Variants in COL21A1 observed in about 807,000 individuals in gnomAD.
COL21A1 encodes the protein collagen type XXI alpha 1 chain, also known as collagen alpha-1(XXI) chain.
In COL21A1, 149 loss-of-function variants were observed where a neutral mutation model predicts 137.9. That is an observed-to-expected ratio of 1.08 (90% confidence interval 0.95 to 1.24). COL21A1 has a LOEUF of 1.24. COL21A1 is among the 50% of genes most tolerant of loss of function. The pLI is 0.00. For missense variants in COL21A1, 1,167 were observed against 1,158.4 expected, an observed-to-expected ratio of 1.01 and a Z score of -0.11; for synonymous variants, 456 against 391.5, an observed-to-expected ratio of 1.16 and a Z score of -1.95.
At chr6:56,098,706 T>G (rs1386535538) in intron 17 of COL21A1, among the ~76,000 whole-genome samples, 41 of 85,162 alleles carry the variant, frequency 4.8e-4, no homozygotes, top group African/African-American at 1.7e-3. Context: ...AATATATATA[T>G]AAATATATAT....
chr6:56,276,730 C>T (rs1211662426), intron 1 of COL21A1: 3 of 1,362,934 alleles, frequency 2.2e-6, no homozygotes, highest in Non-Finnish European at 2.1e-6. Flanking sequence ...TCCTTATAAA[C>T]AGAACTGCCA....
Position 56,057,029 on chromosome 6 carries a change from C to A in COL21A1, c.*628G>T, listed in dbSNP as rs528225648. ...ATTCCCAAAGTAATTAATACTCTTTCTTAGCACCACCATTAATCTAATTTT... is the reference window on the plus strand; with the variant it reads ...ATTCCCAAAGTAATTAATACTCTTTATTAGCACCACCATTAATCTAATTTT... On this transcript the variant is annotated 3_prime_UTR_variant, in exon 30 of 30. Transcript: ENST00000244728. The A allele has an allele frequency of 2.0e-5, 3 of 152,298 alleles. No individual in the cohort carries two copies. The highest frequency in any genetic ancestry group is 7.2e-5 in the African/African-American group (3 of 41,572). 9.4% of individuals were successfully genotyped at this position (152,298 alleles called of 1,614,324 possible).
chr6:56,306,157 C>T, intron 1 of COL21A1, among the ~76,000 whole-genome samples: 1 of 130,644 alleles, frequency 7.7e-6, no homozygotes, highest in Non-Finnish European at 1.7e-5. Context: ...TTTGGCTGCC[C>T]TTAACATTTT....
chr6:56,326,983 T>G (rs1456894482), intron 1 of COL21A1, among the ~76,000 whole-genome samples: 1 of 152,012 alleles, frequency 6.6e-6, no homozygotes, highest in East Asian at 1.9e-4. Flanking sequence ...AATTATATAT[T>G]TAGGAAATGA....
rs28448399 is a variant in COL21A1 at position 56,080,915 on chromosome 6, T to C, written c.1813-3342A>G. 3.3e-3 allele frequency among the ~76,000 whole-genome samples: 504 copies of C among 151,854 alleles called. 5 individuals carry two copies. Among genetic ancestry groups the C allele is most frequent in the African/African-American group, 0.012 (486 of 41,492 alleles). ...TCAGTAAAGAGCATAGTAGAAGCCA[T>C]AGGAAGCAGCTAAAAAATAGATGCT... On this transcript the variant is annotated intron_variant, in intron 17 of 29. Coordinates refer to ENST00000244728, the MANE Select transcript of COL21A1 (RefSeq NM_030820.4).
chr6:56,307,528 C>T (rs986370151), intron 1 of COL21A1, among the ~76,000 whole-genome samples: 10 of 152,324 alleles, frequency 6.6e-5, no homozygotes, highest in Non-Finnish European at 1.2e-4. Context: ...AAGCCAGGCA[C>T]GGGATATAAT....
chr6:56,128,755 G>C (rs1582432832), intron 12 of COL21A1, among the ~76,000 whole-genome samples: 1 of 152,242 alleles, frequency 6.6e-6, no homozygotes, highest in East Asian at 1.9e-4. Context: ...CCCAGGCTCA[G>C]GTGATTCTCC....
intron 17 of COL21A1, among the ~76,000 whole-genome samples, chr6:56,096,195 C>T (rs1769310054): frequency 6.6e-6 from 1 of 151,830 alleles, no homozygotes; most frequent in Admixed American, 6.6e-5. Flanking sequence ...ATGCCTACAG[C>T]CTCATGTAAG....
At chr6:56,077,628 T>C in intron 17 of COL21A1, 55 bp from the exon 18 acceptor site, 1 of 1,075,870 alleles carries the variant, frequency 9.3e-7, no homozygotes, top group Non-Finnish European at 1.3e-6. Context: ...ACTTTATCAT[T>C]AAAGAAGAAA....
chr6:56,128,430 G>A (rs1371097905), intron 12 of COL21A1, among the ~76,000 whole-genome samples: 2 of 152,134 alleles, frequency 1.3e-5, no homozygotes, highest in Admixed American at 1.3e-4. Context: ...AAGGTGATAG[G>A]AGAATCTCTC....
chr6:56,172,936 C>CA (rs1299879668), intron 3 of COL21A1, among the ~76,000 whole-genome samples: 1 of 149,994 alleles, frequency 6.7e-6, no homozygotes, highest in South Asian at 2.1e-4. Flanking sequence ...GACATCACTA[C>CA]AAAAAAAGCA....
At chr6:56,202,042 A>G (rs1200663736) in intron 1 of COL21A1, among the ~76,000 whole-genome samples, 1 of 152,138 alleles carries the variant, frequency 6.6e-6, no homozygotes, top group Non-Finnish European at 1.5e-5. Context: ...TTCAGAATCA[A>G]AGGAAATCCC....
chr6:56,276,041 A>G (rs988044869), intron 1 of COL21A1, among the ~76,000 whole-genome samples: 1 of 152,236 alleles, frequency 6.6e-6, no homozygotes, highest in South Asian at 2.1e-4. Context: ...CTATGCAGCC[A>G]TAAAAAAGAG....
chr6:56,305,134 A>G (rs1246012448), intron 1 of COL21A1, among the ~76,000 whole-genome samples: 1 of 152,172 alleles, frequency 6.6e-6, no homozygotes, highest in Non-Finnish European at 1.5e-5. Context: ...ACATTTGCTG[A>G]GGAATGCTTT....
chr6:56,133,908 G>A (rs1184353370), intron 12 of COL21A1, among the ~76,000 whole-genome samples: 1 of 152,224 alleles, frequency 6.6e-6, no homozygotes, highest in African/African-American at 2.4e-5. Context: ...GAGGATGTAT[G>A]GAAATGCCTG....
chr6:56,361,580 C>T (rs1449942694), intron 1 of COL21A1, among the ~76,000 whole-genome samples: 1 of 152,062 alleles, frequency 6.6e-6, no homozygotes, highest in African/African-American at 2.4e-5. Context: ...GATAAAGAAG[C>T]TCCAAATCAG....
intron 3 of COL21A1, among the ~76,000 whole-genome samples, chr6:56,175,014 A>G (rs990559198): frequency 6.6e-6 from 1 of 152,122 alleles, no homozygotes; most frequent in Non-Finnish European, 1.5e-5. Context: ...AAATCAATAA[A>G]TGTGTCATTG....
chr6:56,358,647 ATCTTGCTGG>A (rs1765893818), intron 1 of COL21A1, among the ~76,000 whole-genome samples: 1 of 152,218 alleles, frequency 6.6e-6, no homozygotes, highest in Admixed American at 6.5e-5. Context: ...TTTTGATTAA[ATCTTGCTGG>A]AATTTAAATT....
At chr6:56,228,740 T>C (rs950491901) in intron 1 of COL21A1, among the ~76,000 whole-genome samples, 3 of 151,616 alleles carry the variant, frequency 2.0e-5, no homozygotes, top group Non-Finnish European at 4.4e-5. Context: ...TGGTCTGGCT[T>C]ACTGTTTGCT....
Sources: gnomAD v4.1 joint callset for allele counts (sites outside exome capture counted in the v4.1 genomes callset) on GRCh38, gnomAD v4.1.1 for gene constraint, MANE v1.5 for transcripts, NCBI Gene and HGNC (gene_info 2026-07-23, HGNC 2026-07-21) for gene names.